Variants in VCAN observed in about 807,000 individuals in gnomAD.
VCAN encodes versican, also known as versican core protein.
VCAN carries 44 observed loss-of-function variants against 245.5 expected under a neutral mutation model. The ratio of observed to expected loss-of-function variants is 0.18; its 90% CI spans 0.14 to 0.23. The LOEUF (loss-of-function observed/expected upper bound fraction) is 0.23. Ranked by LOEUF, VCAN falls within the 10% of genes least tolerant of loss-of-function variation. The pLI is 1.00. For missense variants in VCAN, 3,793 were observed against 4,057.9 expected (o/e 0.93, Z 1.77); for synonymous variants, 1,413 against 1,437.0 (o/e 0.98, Z 0.38).
chr5:83,477,554 T>C (rs535126284), intron 1 of VCAN, among the ~76,000 whole-genome samples: 15 of 152,134 alleles, frequency 9.9e-5, no homozygotes, highest in Admixed American at 3.3e-4. Context: ...AAGAAAATCA[T>C]GGGATTAAAA....
At chr5:83,484,833 T>C (rs1003465124) in intron 2 of VCAN, among the ~76,000 whole-genome samples, 1 of 152,034 alleles carries the variant, frequency 6.6e-6, no homozygotes, top group African/African-American at 2.4e-5. Context: ...AAGACCTCCT[T>C]GAGAAAGTGA....
intron 13 of VCAN, among the ~76,000 whole-genome samples, chr5:83,579,388 C>G (rs771551056): frequency 7.7e-4 from 117 of 152,168 alleles, no homozygotes; most frequent in Non-Finnish European, 1.4e-3. Context: ...CTAAGCCTCC[C>G]GAGTAGCTGG....
At chr5:83,485,964 G>T (rs958130304) in intron 2 of VCAN, among the ~76,000 whole-genome samples, 4 of 151,992 alleles carry the variant, frequency 2.6e-5, no homozygotes, top group African/African-American at 9.7e-5. Context: ...AGCCGGGGGT[G>T]GTGGCTTGGG....
intron 10 of VCAN, among the ~76,000 whole-genome samples, chr5:83,548,780 G>A (rs571150249): frequency 3.9e-5 from 6 of 152,248 alleles, no homozygotes; most frequent in African/African-American, 2.4e-5. Context: ...ACTTAAACTC[G>A]TACAGTGGTT....
In VCAN at chr5:83,536,413, T is replaced by G. The variant is rs529088646; in HGVS notation, c.4004-594T>G. ...ATGCCATTGCAATGTAAAAGGGCTATAAATAAAGCTCTCTTGTTTTTCCAT... is the reference window on the plus strand; with the variant it reads ...ATGCCATTGCAATGTAAAAGGGCTAGAAATAAAGCTCTCTTGTTTTTCCAT... On this transcript the variant is annotated intron_variant, in intron 7 of 14. Coordinates refer to ENST00000265077, the MANE Select transcript of VCAN (RefSeq NM_004385.5). 3 of 152,296 alleles carry G rather than the reference T, an allele frequency of 2.0e-5. 1 individual carries two copies. Among genetic ancestry groups the G allele is most frequent in the East Asian group, 1.9e-4 (1 of 5,176 alleles). 9.4% of individuals were successfully genotyped at this position (152,296 alleles called of 1,614,324 possible).
intron 2 of VCAN, among the ~76,000 whole-genome samples, chr5:83,487,005 A>C (rs1744814196): frequency 6.6e-6 from 1 of 152,164 alleles, no homozygotes; most frequent in South Asian, 2.1e-4. Context: ...CACCTTGTCT[A>C]TTGTTATGGG....
intron 8 of VCAN, among the ~76,000 whole-genome samples, chr5:83,542,879 G>T (rs1235944877): frequency 6.6e-6 from 1 of 152,146 alleles, no homozygotes; most frequent in Non-Finnish European, 1.5e-5. Context: ...CCTGTTGAGA[G>T]AAGTTTTCTG....
In VCAN at chr5:83,540,622, C is replaced by G; in HGVS notation, c.7619C>G (p.Thr2540Ser). The G allele has an allele frequency of 6.2e-7, 1 of 1,613,806 alleles. No homozygotes were observed. Among genetic ancestry groups the G allele is most frequent in the Non-Finnish European group, 8.5e-7 (1 of 1,179,964 alleles). Residue 2540 changes from threonine to serine, a missense_variant, in exon 8 of 15, where the codon ACT (threonine) becomes AGT (serine). This residue lies in a region of VCAN where 3,182 missense variants were observed against 3,250.3 expected (regional missense o/e 0.98). Transcript: ENST00000265077. ...STLKPNRKKP[T>S]ENIIIDLDKE... ...TTAAAACCTAACAGAAAAAAACCCA[C>G]TGAAAATATTATCATAGACCTGGAC...
chr5:83,488,703 A>C lies in VCAN; in HGVS notation c.71-1395A>C, dbSNP rs12654217. Among the ~76,000 whole-genome samples, 41 of 152,360 alleles carry C rather than the reference A, an allele frequency of 2.7e-4. No individual in the cohort carries two copies. The East Asian group carries it at 5.8e-3, about 21-fold the overall frequency. On this transcript the variant is annotated intron_variant, in intron 2 of 14. Coordinates refer to ENST00000265077, the MANE Select transcript of VCAN (RefSeq NM_004385.5). ...CACTTTGTTTTTATTTAATTTCATT[A>C]AGTGCCTTAAGTCTGCTTTGGATAA...
intron 12 of VCAN, among the ~76,000 whole-genome samples, chr5:83,568,767 T>C (rs1383230252): frequency 6.6e-6 from 1 of 152,186 alleles, no homozygotes; most frequent in Non-Finnish European, 1.5e-5. Context: ...TAATGCTCAC[T>C]CTAGAGAACT....
chr5:83,490,188 C>A lies in VCAN; in HGVS notation c.161C>A (p.Pro54His). 6.2e-7 allele frequency: 1 copy of A among 1,614,088 alleles called. No individual in the cohort carries two copies. The highest frequency in any genetic ancestry group is 1.3e-5 in the African/African-American group (1 of 75,026). Residue 54 changes from proline (P) to histidine (H), a missense_variant, in exon 3 of 15, where the codon CCC becomes CAC. This residue lies in a region of VCAN where 179 missense variants were observed against 169.7 expected (regional missense o/e 1.05). Coordinates refer to ENST00000265077, the MANE Select transcript of VCAN (RefSeq NM_004385.5). Reference sequence around the variant, plus strand: ...TTTTCAACGATGCCTACTTTGCCACCCAGTTACAACACCAGTGAATTTCTC... The same window carrying A: ...TTTTCAACGATGCCTACTTTGCCACACAGTTACAACACCAGTGAATTTCTC... ...CHFSTMPTLP[P>H]SYNTSEFLRI...
chr5:83,537,532 T>C lies in VCAN; in HGVS notation c.4529T>C (p.Phe1510Ser). ...VFPTVPFHEE[F>S]ESGTAKKGAE... Reference sequence around the variant, plus strand: ...CCCACAGTCCCATTCCATGAGGAATTTGAAAGTGGAACAGCCAAAAAAGGG... The same window carrying C: ...CCCACAGTCCCATTCCATGAGGAATCTGAAAGTGGAACAGCCAAAAAAGGG... The change falls in exon 8 of 15, where the codon TTT becomes TCT. Residue 1510 changes from phenylalanine to serine, a missense_variant. Physicochemically the swap from Phe to Ser is radical, Grantham distance 155. Coordinates refer to ENST00000265077, the MANE Select transcript of VCAN (RefSeq NM_004385.5). 1 of 1,613,798 alleles carries C rather than the reference T, an allele frequency of 6.2e-7. No individual in the cohort carries two copies. The highest frequency in any genetic ancestry group is 1.1e-5 in the South Asian group (1 of 91,060).
At chr5:83,568,412 A>G (rs1748163361) in intron 12 of VCAN, among the ~76,000 whole-genome samples, 1 of 152,228 alleles carries the variant, frequency 6.6e-6, no homozygotes, top group African/African-American at 2.4e-5. Flanking sequence ...AGCTCTGCCA[A>G]GCAACAACAG....
rs1490759783 is a variant in VCAN at position 83,538,036 on chromosome 5, C to G, written c.5033C>G (p.Thr1678Arg). 1 of 1,614,038 alleles carries G rather than the reference C, an allele frequency of 6.2e-7. No homozygotes were observed. The highest frequency in any genetic ancestry group is 8.5e-7 in the Non-Finnish European group (1 of 1,179,960). The change falls in exon 8 of 15, where the codon ACA becomes AGA. Residue 1678 changes from threonine to arginine, a missense_variant. Transcript: ENST00000265077. ...ACTTTAGACACTAGCAGGATAATCA[C>G]AGAAAGCTTTTTTGAGGTTCCTGCA... is the stretch of plus-strand genomic sequence containing the variant. ...LITLDTSRII[T>R]ESFFEVPATT...
intron 5 of VCAN, among the ~76,000 whole-genome samples, chr5:83,504,767 G>A (rs745985438): frequency 2.6e-5 from 4 of 152,016 alleles, no homozygotes; most frequent in African/African-American, 9.7e-5. Flanking sequence ...AAATATATTT[G>A]GTATATTTCC....
chr5:83,476,453 A>C lies in VCAN; in HGVS notation c.-7+4430A>C, dbSNP rs141671108. On this transcript the variant is annotated intron_variant, in intron 1 of 14. Coordinates refer to ENST00000265077, the MANE Select transcript of VCAN (RefSeq NM_004385.5). ...GAGAAACCAGTTAGGACTGACAAAC[A>C]CTCATTGTTGGGAGTTACTTGCTCT... Among the ~76,000 whole-genome samples, 1,428 of 152,174 alleles carry C rather than the reference A, an allele frequency of 9.4e-3. 19 individuals are homozygous for C. The highest frequency in any genetic ancestry group is 0.03 in the East Asian group (156 of 5,178).
At chr5:83,554,828 A>G in intron 11 of VCAN, 128 bp from the exon 12 acceptor site, 1 of 850,870 alleles carries the variant, frequency 1.2e-6, no homozygotes, top group Admixed American at 2.0e-5. Flanking sequence ...GATTTTTATG[A>G]GCAACTAAAT....
intron 8 of VCAN, among the ~76,000 whole-genome samples, chr5:83,543,218 C>G (rs1185670121): frequency 6.6e-6 from 1 of 152,196 alleles, no homozygotes; most frequent in Non-Finnish European, 1.5e-5. Flanking sequence ...TCCTCTTAAT[C>G]TAGCCTGAGA....
intron 3 of VCAN, 107 bp from the exon 4 acceptor site, chr5:83,493,439 T>C: frequency 1.5e-6 from 2 of 1,344,746 alleles, no homozygotes; most frequent in Non-Finnish European, 2.1e-6. Flanking sequence ...ATTATGATAT[T>C]ATTACTATGT....
Sources: allele counts gnomAD v4.1 joint callset (sites outside exome capture counted in the v4.1 genomes callset), GRCh38; gene constraint gnomAD v4.1.1; regional missense constraint gnomAD v4.1.1; transcripts MANE v1.5; gene names NCBI Gene and HGNC (gene_info 2026-07-23, HGNC 2026-07-21).